CPNE8: variants seen among roughly 807,000 people sequenced by gnomAD.
CPNE8 encodes copine 8, also known as copine-8.
A neutral mutation model predicts 81.5 loss-of-function variants in CPNE8; 45 were observed. The ratio of observed to expected loss-of-function variants is 0.55; its 90% confidence interval spans 0.44 to 0.71. CPNE8 has a LOEUF of 0.71. Among genes scored for constraint, CPNE8 ranks in the 30% least tolerant of loss-of-function variants. CPNE8 has a pLI of 0.00. For synonymous variants in CPNE8, 252 were observed against 226.3 expected, an observed-to-expected ratio of 1.11 and a Z score of -1.02; for missense variants, 594 against 672.1, an observed-to-expected ratio of 0.88 and a Z score of 1.28.
chr12:38,905,619 G>A (rs1157619508), upstream of CPNE8: 11 of 1,520,060 alleles, frequency 7.2e-6, no homozygotes, highest in African/African-American at 1.4e-5. Flanking sequence ...AGGCGGGGAT[G>A]GGGGTTGAGG....
chr12:38,680,793 C>A (rs1939392466), intron 16 of CPNE8, among the ~76,000 whole-genome samples: 1 of 151,712 alleles, frequency 6.6e-6, no homozygotes, highest in Middle Eastern at 3.2e-3. Flanking sequence ...ATAAATAAAG[C>A]ATAATACATT....
At chr12:38,728,479 G>A (rs1195583320) in intron 11 of CPNE8, among the ~76,000 whole-genome samples, 1 of 152,094 alleles carries the variant, frequency 6.6e-6, no homozygotes, top group Non-Finnish European at 1.5e-5. Flanking sequence ...CGGAACATTT[G>A]AGCTGGCAGA....
chr12:38,700,809 T>C (rs1427558885), intron 14 of CPNE8, among the ~76,000 whole-genome samples: 1 of 152,146 alleles, frequency 6.6e-6, no homozygotes, highest in Non-Finnish European at 1.5e-5. Context: ...ATAAGTCTCA[T>C]AAGATCTGAT....
chr12:38,802,608 C>G (rs1415286668), intron 6 of CPNE8, among the ~76,000 whole-genome samples: 1 of 148,298 alleles, frequency 6.7e-6, no homozygotes, highest in African/African-American at 2.5e-5. Context: ...ACTATAAAAG[C>G]AAGAGCAAAC....
intron 6 of CPNE8, among the ~76,000 whole-genome samples, chr12:38,810,139 T>C (rs1942902955): frequency 6.6e-6 from 1 of 152,128 alleles, no homozygotes; most frequent in Non-Finnish European, 1.5e-5. Context: ...ATTTATACTC[T>C]CCCTCTCTCT....
chr12:38,756,019 G>T (rs1380897969), intron 10 of CPNE8, among the ~76,000 whole-genome samples: 5 of 123,936 alleles, frequency 4.0e-5, no homozygotes, highest in African/African-American at 8.5e-5. Flanking sequence ...CAGCCTGGGC[G>T]ACAGAGCGAG....
At chr12:38,808,749 A>G (rs543786391) in intron 6 of CPNE8, among the ~76,000 whole-genome samples, 1 of 151,154 alleles carries the variant, frequency 6.6e-6, no homozygotes, top group African/African-American at 2.4e-5. Context: ...AACTTAAAGT[A>G]TAATAATAAT....
At chr12:38,677,395 T>C in intron 17 of CPNE8, 57 bp downstream of exon 17, 1 of 915,842 alleles carries the variant, frequency 1.1e-6, no homozygotes, top group South Asian at 1.3e-5. Context: ...CTAGTCTCTC[T>C]CTAAGTAGCA....
At chr12:38,795,381 T>G (rs1319009453) in intron 6 of CPNE8, among the ~76,000 whole-genome samples, 1 of 152,216 alleles carries the variant, frequency 6.6e-6, no homozygotes, top group East Asian at 1.9e-4. Flanking sequence ...ATGTGTATAT[T>G]CAAAATAATT....
chr12:38,877,922 T>C (rs964497746), intron 1 of CPNE8, among the ~76,000 whole-genome samples: 1 of 152,146 alleles, frequency 6.6e-6, no homozygotes, highest in African/African-American at 2.4e-5. Context: ...TGGCACAAGA[T>C]GCAGGTCATA....
intron 13 of CPNE8, among the ~76,000 whole-genome samples, chr12:38,715,010 T>C (rs1021995232): frequency 6.6e-6 from 1 of 152,132 alleles, no homozygotes; most frequent in African/African-American, 2.4e-5. Flanking sequence ...TTCTTAACTC[T>C]GCATAATTTC....
At chr12:38,729,001 C>T (rs1940769897) in intron 11 of CPNE8, among the ~76,000 whole-genome samples, 2 of 152,238 alleles carry the variant, frequency 1.3e-5, no homozygotes, top group South Asian at 4.1e-4. Flanking sequence ...CCAGTCTTGT[C>T]AGTTAGCAAG....
rs1942046936 is a variant in CPNE8, at chr12:38,781,242, G to T, written c.408-4941C>A. 2.0e-5 allele frequency among the ~76,000 whole-genome samples: 3 copies of T among 152,068 alleles called. No individual in the cohort carries two copies. The South Asian group carries it at 6.2e-4, about 32-fold the overall frequency. On this transcript the variant is annotated intron_variant, in intron 6 of 19. Coordinates refer to ENST00000331366, the MANE Select transcript of CPNE8 (RefSeq NM_153634.3). The stretch of plus-strand genomic sequence containing the variant: ...CAGTTCAAAAGGAACTAAGACTAAA[G>T]AAAGAATGGGGCAGATGAGGATCAC...
At chr12:38,717,196 C>A (rs1321251836) in intron 13 of CPNE8, among the ~76,000 whole-genome samples, 1 of 151,338 alleles carries the variant, frequency 6.6e-6, no homozygotes. Context: ...GGTGGGAATG[C>A]AAATTAGTAC....
intron 3 of CPNE8, among the ~76,000 whole-genome samples, chr12:38,869,023 G>A (rs1213128673): frequency 1.3e-5 from 2 of 152,100 alleles, no homozygotes; most frequent in African/African-American, 4.8e-5. Context: ...AACCATTTCT[G>A]ACCTATAAAA....
intron 8 of CPNE8, among the ~76,000 whole-genome samples, chr12:38,766,301 G>A (rs1941688295): frequency 6.6e-6 from 1 of 152,068 alleles, no homozygotes; most frequent in African/African-American, 2.4e-5. Flanking sequence ...AAAATCCAGG[G>A]AGCAAGTAGT....
At chr12:38,818,381 T>C (rs1292595838) in intron 6 of CPNE8, among the ~76,000 whole-genome samples, 1 of 152,144 alleles carries the variant, frequency 6.6e-6, no homozygotes, top group East Asian at 1.9e-4. Context: ...TGAGAACATG[T>C]AGTGTTCGGT....
At chr12:38,656,526 T>TTA (rs1938821700) in intron 19 of CPNE8, among the ~76,000 whole-genome samples, 1 of 152,106 alleles carries the variant, frequency 6.6e-6, no homozygotes, top group Non-Finnish European at 1.5e-5. Flanking sequence ...TTAAACTCAT[T>TTA]TAAGTTTTTA....
At chr12:38,685,780 G>A in intron 15 of CPNE8, 163 bp from the exon 16 acceptor site, 1 of 559,168 alleles carries the variant, frequency 1.8e-6, no homozygotes, top group Non-Finnish European at 3.1e-6. Flanking sequence ...CATTAAGTAA[G>A]TGATCAACAA....
Sources: allele counts gnomAD v4.1 joint callset (sites outside exome capture counted in the v4.1 genomes callset), GRCh38; gene constraint gnomAD v4.1.1; transcripts MANE v1.5; gene names NCBI Gene and HGNC (gene_info 2026-07-23, HGNC 2026-07-21).